PTPRD: variants seen among roughly 807,000 people sequenced by gnomAD.
The protein encoded by PTPRD is protein tyrosine phosphatase receptor type D.
PTPRD carries 34 observed loss-of-function variants against 214.5 expected under a neutral mutation model. The ratio of observed to expected loss-of-function variants is 0.16; its 90% CI spans 0.12 to 0.21. PTPRD has a LOEUF of 0.21. Among genes scored for constraint, PTPRD ranks in the 10% least tolerant of loss-of-function variants. The pLI is 1.00. For missense variants in PTPRD, 2,545 were observed against 2,398.7 expected, an observed-to-expected ratio of 1.06 and a Z score of -1.27; for synonymous variants, 1,128 against 845.7, an observed-to-expected ratio of 1.33 and a Z score of -5.79.
chr9:10,055,919 G>A (rs916719150), intron 3 of PTPRD, among the ~76,000 whole-genome samples: 1 of 151,510 alleles, frequency 6.6e-6, no homozygotes, highest in Non-Finnish European at 1.5e-5. Flanking sequence ...TGTACTTACT[G>A]CAACATCTGA....
chr9:8,691,152 A>G (rs1041916719), intron 12 of PTPRD, among the ~76,000 whole-genome samples: 1 of 152,182 alleles, frequency 6.6e-6, no homozygotes, highest in East Asian at 1.9e-4. Context: ...ACATCCCCGA[A>G]TATTCCCCAT....
At chr9:8,531,272 C>T (rs757096217) in intron 14 of PTPRD, among the ~76,000 whole-genome samples, 1 of 152,016 alleles carries the variant, frequency 6.6e-6, no homozygotes, top group Non-Finnish European at 1.5e-5. Context: ...TTAGGCTATG[C>T]TGGTTTTAAT....
At chr9:10,200,597 G>C (rs924891003) in intron 3 of PTPRD, among the ~76,000 whole-genome samples, 1 of 151,970 alleles carries the variant, frequency 6.6e-6, no homozygotes, top group African/African-American at 2.4e-5. Context: ...TTACAACAAA[G>C]GAAACACATT....
intron 7 of PTPRD, among the ~76,000 whole-genome samples, chr9:9,718,993 CT>C (rs1374341138): frequency 3.3e-5 from 5 of 152,146 alleles, no homozygotes; most frequent in Admixed American, 2.0e-4. Flanking sequence ...GACCTGAAGC[CT>C]GGGGGCCAGG....
At chr9:8,388,225 G>A (rs1589265482) in intron 37 of PTPRD, among the ~76,000 whole-genome samples, 1 of 152,132 alleles carries the variant, frequency 6.6e-6, no homozygotes, top group Non-Finnish European at 1.5e-5. Flanking sequence ...TACACGCCCA[G>A]GCTTAGAGAA....
At chr9:10,551,472 G>C (rs61034211) in intron 2 of PTPRD, among the ~76,000 whole-genome samples, 1 of 152,020 alleles carries the variant, frequency 6.6e-6, no homozygotes, top group Non-Finnish European at 1.5e-5. Flanking sequence ...CAGTATTAGG[G>C]AGTAGAGACT....
intron 3 of PTPRD, among the ~76,000 whole-genome samples, chr9:10,084,635 A>G (rs2098298671): frequency 6.6e-6 from 1 of 151,410 alleles, no homozygotes; most frequent in Non-Finnish European, 1.5e-5. Flanking sequence ...TTTGGGAGTC[A>G]ACAAACACTT....
chr9:9,022,574 C>A (rs2099573569), intron 10 of PTPRD, among the ~76,000 whole-genome samples: 1 of 152,074 alleles, frequency 6.6e-6, no homozygotes, highest in Non-Finnish European at 1.5e-5. Flanking sequence ...GTAGGTTGAG[C>A]CATCTAGGTT....
rs192559272 is a variant in PTPRD at position 10,381,512 on chromosome 9, C to G, written c.-599-40495G>C. ...GATCTTTAAGCACAGAATTATGGTCCTCCCAAAATGATTCAGAGTATCATT... is the reference window on the plus strand; with the variant it reads ...GATCTTTAAGCACAGAATTATGGTCGTCCCAAAATGATTCAGAGTATCATT... On this transcript the variant is annotated intron_variant, in intron 2 of 45. Coordinates refer to ENST00000381196, the MANE Select transcript of PTPRD (RefSeq NM_002839.4). Among the ~76,000 whole-genome samples the G allele has an allele frequency of 5.8e-4, 88 of 152,084 alleles. 1 individual carries two copies. Among genetic ancestry groups the G allele is most frequent in the African/African-American group, 2.0e-3 (81 of 41,530 alleles).
chr9:10,565,994 G>A lies in PTPRD; in HGVS notation c.-600+46404C>T, dbSNP rs951572534. ...TCCTATTTACATCCTTAACATTATG[G>A]TATAAGGTTGTCTATTTTTGAGTTT... On this transcript the variant is annotated intron_variant, in intron 2 of 45. Transcript: ENST00000381196. Among the ~76,000 whole-genome samples, 9 of 151,626 alleles carry A rather than the reference G, an allele frequency of 5.9e-5. No individual in the cohort carries two copies. In the South Asian group the frequency reaches 1.5e-3, roughly 25 times the overall value.
chr9:8,749,010 T>C (rs775333133), intron 11 of PTPRD, among the ~76,000 whole-genome samples: 2 of 152,196 alleles, frequency 1.3e-5, no homozygotes, highest in East Asian at 1.9e-4. Context: ...TGTGAAAATA[T>C]GTATTTATAT....
At chr9:10,155,361 G>A (rs1209527031) in intron 3 of PTPRD, among the ~76,000 whole-genome samples, 5 of 151,874 alleles carry the variant, frequency 3.3e-5, no homozygotes, top group African/African-American at 1.2e-4. Context: ...AAGACTATAG[G>A]GCTTCCTAGA....
chr9:8,652,087 C>CT (rs2096824366), intron 12 of PTPRD, among the ~76,000 whole-genome samples: 1 of 152,156 alleles, frequency 6.6e-6, no homozygotes, highest in Admixed American at 6.5e-5. Flanking sequence ...TGCCAGCTAA[C>CT]TTTTTCCCCT....
At chr9:9,090,245 A>G (rs2099773622) in intron 10 of PTPRD, among the ~76,000 whole-genome samples, 1 of 151,946 alleles carries the variant, frequency 6.6e-6, no homozygotes, top group Non-Finnish European at 1.5e-5. Context: ...GGTAGCAATC[A>G]TTCTATTCTC....
At chr9:10,452,269 T>C (rs1226234758) in intron 2 of PTPRD, among the ~76,000 whole-genome samples, 1 of 151,960 alleles carries the variant, frequency 6.6e-6, no homozygotes, top group Non-Finnish European at 1.5e-5. Flanking sequence ...TTGTGAATGA[T>C]GCTTCAGGGA....
At chr9:8,379,023 A>C (rs577420768) in intron 37 of PTPRD, among the ~76,000 whole-genome samples, 37 of 152,180 alleles carry the variant, frequency 2.4e-4, no homozygotes, top group Non-Finnish European at 4.4e-4. Flanking sequence ...CATTACTGTA[A>C]GGAGTAAACG....
intron 5 of PTPRD, among the ~76,000 whole-genome samples, chr9:9,768,832 G>A (rs1277538863): frequency 6.6e-6 from 1 of 152,156 alleles, no homozygotes; most frequent in Non-Finnish European, 1.5e-5. Context: ...ATTTATCACA[G>A]AGAAACGTGG....
At chr9:9,301,875 A>G (rs934462507) in intron 9 of PTPRD, among the ~76,000 whole-genome samples, 3 of 151,890 alleles carry the variant, frequency 2.0e-5, no homozygotes, top group African/African-American at 7.2e-5. Flanking sequence ...CGATTTCACA[A>G]ATGTCCAGAC....
At chr9:9,014,633 T>C (rs1304155282) in intron 11 of PTPRD, among the ~76,000 whole-genome samples, 1 of 152,144 alleles carries the variant, frequency 6.6e-6, no homozygotes, top group African/African-American at 2.4e-5. Context: ...TCAAGTTAAC[T>C]TGACTGTCAT....
Sources: allele counts gnomAD v4.1 joint callset (sites outside exome capture counted in the v4.1 genomes callset), GRCh38; gene constraint gnomAD v4.1.1; transcripts MANE v1.5; gene names NCBI Gene and HGNC (gene_info 2026-07-23, HGNC 2026-07-21).